The following C12orf50 variants were observed in gnomAD, a reference collection of about 807,000 sequenced individuals.
C12orf50 encodes the protein zinc finger CCCH-type containing 11D.
C12orf50 carries 35 observed loss-of-function variants against 61.6 expected under a neutral mutation model. The observed-to-expected ratio is 0.57, with a 90% CI of 0.43 to 0.75. The LOEUF (loss-of-function observed/expected upper bound fraction) is 0.75, where lower values mean the gene tolerates loss of function less well. Among genes scored for constraint, C12orf50 ranks in the 30% least tolerant of loss-of-function variants. The pLI is 0.00. For synonymous variants in C12orf50, 178 were observed against 161.5 expected (o/e 1.10, Z -0.77); for missense variants, 475 against 488.5 (o/e 0.97, Z 0.26).
At chr12:88,015,145 C>T (rs1440879299) in intron 3 of C12orf50, among the ~76,000 whole-genome samples, 4 of 151,856 alleles carry the variant, frequency 2.6e-5, no homozygotes, top group Non-Finnish European at 5.9e-5. Flanking sequence ...TCTTCCTTCC[C>T]CAGAGAGGAA....
chr12:88,024,899 G>A (rs1157076096), intron 3 of C12orf50, among the ~76,000 whole-genome samples: 1 of 152,180 alleles, frequency 6.6e-6, no homozygotes, highest in Non-Finnish European at 1.5e-5. Flanking sequence ...GTTACATAAG[G>A]ACTGGAAATT....
rs76061189 is a variant in C12orf50, at chr12:88,016,953, T to A, written c.133+9535A>T. On this transcript the variant is annotated intron_variant, in intron 3 of 12. Transcript: ENST00000298699. Reference sequence around the variant, plus strand: ...TCAAATACAGTGTTCAGAATAGTGTTATGTAAAACATATTTTAGCAAGGCT... The same window carrying A: ...TCAAATACAGTGTTCAGAATAGTGTAATGTAAAACATATTTTAGCAAGGCT... Among the ~76,000 whole-genome samples, 877 of 152,308 alleles carry A rather than the reference T, an allele frequency of 5.8e-3. 10 individuals are homozygous for A. Among genetic ancestry groups the A allele is most frequent in the African/African-American group, 0.02 (851 of 41,556 alleles).
chr12:87,980,376 A>G lies in C12orf50; in HGVS notation c.1220-20T>C. On this transcript the variant is annotated intron_variant, in intron 12 of 12. Transcript: ENST00000298699. ...TTGGCTCTAATAATAAAATACACAA[A>G]ATATTTCAATTATTTTCTTGTTTAG... The G allele has an allele frequency of 6.3e-7, 1 of 1,588,802 alleles. No individual in the cohort carries two copies. The highest frequency in any genetic ancestry group is 8.6e-7 in the Non-Finnish European group (1 of 1,159,052).
chr12:88,029,274 C>T, intron 1 of C12orf50, 66 bp downstream of exon 1: 1 of 312,046 alleles, frequency 3.2e-6, no homozygotes, highest in Non-Finnish European at 6.0e-6. Flanking sequence ...TCCTTTAAAA[C>T]TGACCTCCTG....
In C12orf50 at chr12:87,986,421, G is replaced by C; in HGVS notation, c.818-5C>G. 1 of 1,588,052 alleles carries C rather than the reference G, an allele frequency of 6.3e-7. No individual in the cohort carries two copies. On this transcript the variant is annotated splice_region_variant and splice_polypyrimidine_tract_variant and intron_variant, in intron 9 of 12. Transcript: ENST00000298699. ...TCACTGGCTGGACATCATTCACTTA[G>C]AAAAGATACAAATTTTACAATTTTT...
At chr12:87,997,451 T>A (rs1462623004) in intron 4 of C12orf50, among the ~76,000 whole-genome samples, 1 of 152,160 alleles carries the variant, frequency 6.6e-6, no homozygotes, top group Non-Finnish European at 1.5e-5. Context: ...CTGGGATACA[T>A]GTACAGAACG....
chr12:87,989,494 T>C, intron 7 of C12orf50, 123 bp from the exon 8 acceptor site: 2 of 617,088 alleles, frequency 3.2e-6, no homozygotes, highest in Non-Finnish European at 5.8e-6. Flanking sequence ...TTCTCAGTGA[T>C]ACCATATCCA....
chr12:87,986,738 G>A (rs2030845265), intron 9 of C12orf50, among the ~76,000 whole-genome samples: 1 of 152,070 alleles, frequency 6.6e-6, no homozygotes, highest in Non-Finnish European at 1.5e-5. Flanking sequence ...TCATTATAAT[G>A]CTATTGTTAA....
chr12:88,026,298 C>T (rs2032704828), intron 3 of C12orf50, among the ~76,000 whole-genome samples, 190 bp downstream of exon 3: 11 of 152,154 alleles, frequency 7.2e-5, no homozygotes, highest in Admixed American at 6.5e-4. Flanking sequence ...TTGTTCATTT[C>T]ATCTTGTTAG....
intron 3 of C12orf50, among the ~76,000 whole-genome samples, chr12:88,008,731 T>C (rs2031986061): frequency 6.6e-6 from 1 of 152,144 alleles, no homozygotes; most frequent in South Asian, 2.1e-4. Context: ...CATGTAATAA[T>C]AGCCTCCTAA....
Position 87,994,663 on chromosome 12 carries a change from T to C in C12orf50, c.562A>G (p.Lys188Glu), listed in dbSNP as rs2031299470. 1 of 1,613,042 alleles carries C rather than the reference T, an allele frequency of 6.2e-7. No homozygotes were observed. ...TTTTCAAAAGCAGCAATGTCAGTCTTTGGTTTCCCATGCAATGATGTTTTT... is the reference window on the plus strand; with the variant it reads ...TTTTCAAAAGCAGCAATGTCAGTCTCTGGTTTCCCATGCAATGATGTTTTT... ...EIKTSLHGKP[K>E]TDIAAFENGG... Residue 188 changes from lysine to glutamate, a missense_variant, in exon 7 of 13, where the codon AAG becomes GAG. Transcript: ENST00000298699.
intron 3 of C12orf50, among the ~76,000 whole-genome samples, chr12:88,001,106 C>G (rs1373251692): frequency 6.6e-6 from 1 of 151,780 alleles, no homozygotes; most frequent in African/African-American, 2.4e-5. Context: ...TTCAGTATTT[C>G]ATCAAGTATG....
intron 12 of C12orf50, among the ~76,000 whole-genome samples, chr12:87,981,935 T>C (rs1390613796): frequency 6.6e-6 from 1 of 152,244 alleles, no homozygotes; most frequent in East Asian, 1.9e-4. Context: ...CCTCTATGCA[T>C]TGATTCAGTG....
intron 3 of C12orf50, among the ~76,000 whole-genome samples, chr12:88,012,283 T>A (rs957871590): frequency 1.3e-5 from 2 of 152,214 alleles, no homozygotes; most frequent in East Asian, 1.9e-4. Context: ...CAGTTTTTTT[T>A]AAACAGATGT....
At chr12:88,026,907 G>A in intron 2 of C12orf50, 44 bp downstream of exon 2, 2 of 1,596,298 alleles carry the variant, frequency 1.3e-6, no homozygotes, top group Non-Finnish European at 1.7e-6. Context: ...CATTATTGAA[G>A]GGAAATACTT....
intron 3 of C12orf50, among the ~76,000 whole-genome samples, chr12:88,023,042 A>G (rs1284926516): frequency 2.0e-5 from 3 of 152,162 alleles, no homozygotes; most frequent in Non-Finnish European, 2.9e-5. Flanking sequence ...GAGCCTAAAG[A>G]GCCAAGGCAA....
intron 11 of C12orf50, chr12:87,985,375 A>C (rs1199486135): frequency 6.3e-6 from 1 of 158,426 alleles, no homozygotes; most frequent in Non-Finnish European, 1.4e-5. Context: ...AATGATTTAG[A>C]AGCAATCTAT....
At chr12:88,017,429 T>C (rs2032353840) in intron 3 of C12orf50, among the ~76,000 whole-genome samples, 1 of 152,226 alleles carries the variant, frequency 6.6e-6, no homozygotes, top group Admixed American at 6.5e-5. Flanking sequence ...ATTAAATCTC[T>C]TTCTTTTGTA....
intron 3 of C12orf50, among the ~76,000 whole-genome samples, chr12:88,017,959 A>G (rs997478936): frequency 3.9e-5 from 6 of 152,242 alleles, no homozygotes; most frequent in Admixed American, 6.5e-5. Flanking sequence ...ACAGCATAAA[A>G]GTTTGGAAAA....
Sources: allele counts gnomAD v4.1 joint callset (sites outside exome capture counted in the v4.1 genomes callset), GRCh38; gene constraint gnomAD v4.1.1; transcripts MANE v1.5; gene names NCBI Gene and HGNC (gene_info 2026-07-23, HGNC 2026-07-21).